The following SBF1 variants were observed in gnomAD, a reference collection of about 807,000 sequenced individuals.
The protein encoded by SBF1 is myotubularin-related protein 5.
A neutral mutation model predicts 215.8 loss-of-function variants in SBF1; 65 were observed. The ratio of observed to expected loss-of-function variants is 0.30; its 90% confidence interval spans 0.25 to 0.37. SBF1 has a LOEUF of 0.37. Among genes scored for constraint, SBF1 ranks in the 10% least tolerant of loss-of-function variants. SBF1 has a pLI of 1.00. For missense variants in SBF1, 2,634 were observed against 2,667.8 expected (o/e 0.99, Z 0.28); for synonymous variants, 1,410 against 1,122.8 (o/e 1.26, Z -5.11).
At chr22:50,467,734 C>A in intron 3 of SBF1, 44 bp from the exon 4 acceptor site, 1 of 1,610,130 alleles carries the variant, frequency 6.2e-7, no homozygotes, top group Non-Finnish European at 8.5e-7. Flanking sequence ...GAGTTGGCCA[C>A]GGCCCAAGGA....
intron 1 of SBF1, among the ~76,000 whole-genome samples, chr22:50,472,359 C>G (rs758800570): frequency 5.9e-5 from 9 of 152,186 alleles, no homozygotes; most frequent in Non-Finnish European, 1.2e-4. Flanking sequence ...CAGATCCAGG[C>G]CAAGACAAGC....
In SBF1 at chr22:50,460,074, T is replaced by C. The variant is rs1258820764; in HGVS notation, c.3369A>G (p.Glu1123=). The change falls in exon 26 of 41, where the codon GAA becomes GAG. Residue 1123 remains glutamate (E), a synonymous_variant. Coordinates refer to ENST00000380817, the MANE Select transcript of SBF1 (RefSeq NM_002972.4). ...GCTGGTAGTCGCGACAGCAAGCCCT[T>C]TCCACCAGGCTGCTCATGGTCATGC... ...SDRMTMSSLV[E]RACCRDYQRL... is the part of the protein sequence containing the mutation. 2 of 1,613,784 alleles carry C rather than the reference T, an allele frequency of 1.2e-6. No homozygotes were observed. Among genetic ancestry groups the C allele is most frequent in the Non-Finnish European group, 1.7e-6 (2 of 1,179,984 alleles).
rs1471684715 is a variant in SBF1 at position 50,447,255 on chromosome 22, G to C, written c.5584-15C>G. 1 of 1,613,648 alleles carries C rather than the reference G, an allele frequency of 6.2e-7. No homozygotes were observed. The highest frequency in any genetic ancestry group is 1.7e-5 in the Admixed American group (1 of 59,998). On this transcript the variant is annotated splice_polypyrimidine_tract_variant and intron_variant, in intron 40 of 40. Transcript: ENST00000380817. ...GTTGTCTTCACCTGGGGAAGGGCGG[G>C]TTACTGACTCCGCAGCCCCCACACC... is the stretch of plus-strand genomic sequence containing the variant.
chr22:50,471,458 A>C (rs2067992066), intron 1 of SBF1, among the ~76,000 whole-genome samples: 1 of 152,202 alleles, frequency 6.6e-6, no homozygotes, highest in Non-Finnish European at 1.5e-5. Context: ...GGAGGCAAAG[A>C]AGGATGGCAG....
intron 1 of SBF1, among the ~76,000 whole-genome samples, chr22:50,473,706 A>G (rs951060957): frequency 2.0e-5 from 3 of 152,144 alleles, no homozygotes; most frequent in Non-Finnish European, 4.4e-5. Context: ...ACTGACAAAA[A>G]ACAGGGTAAC....
chr22:50,453,509 C>A (rs1438380318), intron 36 of SBF1, among the ~76,000 whole-genome samples: 1 of 152,198 alleles, frequency 6.6e-6, no homozygotes, highest in Non-Finnish European at 1.5e-5. Flanking sequence ...ATAACTAGGC[C>A]AGGCACGGTG....
chr22:50,464,410 A>G lies in SBF1; in HGVS notation c.1668T>C (p.His556=), dbSNP rs139208738. ...CCTCCAGCCGCCGGGCGCTGTTGAC[A>G]TGCAGCCCACTGCACCGCTCCAGTA... The part of the protein sequence containing the change: ...TAILERCSGL[H]VNSARRLEVV... The change falls in exon 15 of 41, where the codon CAT becomes CAC. Residue 556 remains histidine (H), a synonymous_variant. Coordinates refer to ENST00000380817, the MANE Select transcript of SBF1 (RefSeq NM_002972.4). The G allele has an allele frequency of 3.6e-3, 5,855 of 1,614,094 alleles. 22 individuals are homozygous for G. Among genetic ancestry groups the G allele is most frequent in the Non-Finnish European group, 4.1e-3 (4,857 of 1,180,022 alleles).
In SBF1 at chr22:50,446,051, C is replaced by T. The variant is rs1308977517; in HGVS notation, c.*1091G>A. 1.3e-5 allele frequency: 2 copies of T among 153,440 alleles called. No homozygotes were observed. Among genetic ancestry groups the T allele is most frequent in the African/African-American group, 4.8e-5 (2 of 41,466 alleles). The allele number at this position is 153,440 out of a possible 1,614,324, so 9.5% of individuals were successfully genotyped here. On this transcript the variant is annotated 3_prime_UTR_variant, in exon 41 of 41. Transcript: ENST00000380817. ...TTGCAGCGTCTATAACCCTCCCCAC[C>T]TTCTGCTCCTGCACCCCTGGCCAGG...
At chr22:50,464,011 A>G (rs985208422) in intron 15 of SBF1, among the ~76,000 whole-genome samples, 1 of 152,248 alleles carries the variant, frequency 6.6e-6, no homozygotes, top group Non-Finnish European at 1.5e-5. Flanking sequence ...CATCAAGTAC[A>G]AAGAACAGGT....
chr22:50,466,234 C>A lies in SBF1; in HGVS notation c.813G>T (p.Pro271=). 3.1e-6 allele frequency: 5 copies of A among 1,613,426 alleles called. No homozygotes were observed. Among genetic ancestry groups the A allele is most frequent in the Non-Finnish European group, 4.2e-6 (5 of 1,180,034 alleles). Residue 271 remains proline, a synonymous_variant, in exon 8 of 41, where the codon CCG becomes CCT. Coordinates refer to ENST00000380817, the MANE Select transcript of SBF1 (RefSeq NM_002972.4). The stretch of plus-strand genomic sequence containing the variant: ...TGCTGAGGACCTCCAGCAGCTGAGC[C>A]GGCAGGATGGGCACATAGGTGAAGC... ...RYSFTYVPIL[P]AQLLEVLSTP...
intron 1 of SBF1, among the ~76,000 whole-genome samples, chr22:50,469,326 G>C (rs2067911044): frequency 6.6e-6 from 1 of 152,236 alleles, no homozygotes; most frequent in African/African-American, 2.4e-5. Context: ...TTTCAGGGCA[G>C]GGAGAGCCAA....
chr22:50,465,221 G>A lies in SBF1; in HGVS notation c.1197C>T (p.Phe399=). 1 of 1,612,628 alleles carries A rather than the reference G, an allele frequency of 6.2e-7. No homozygotes were observed. Among genetic ancestry groups the A allele is most frequent in the Non-Finnish European group, 8.5e-7 (1 of 1,179,456 alleles). The change falls in exon 11 of 41, where the codon TTC becomes TTT. Residue 399 remains phenylalanine (F), a synonymous_variant. Transcript: ENST00000380817. ...VRIHPEPVIR[F]HKAAFLGQRG... ...CAGCCACCAGGCACCCCACCTTATG[G>A]AAGCGGATGACAGGCTCCGGGTGGA...
Position 50,448,325 on chromosome 22 carries a change from A to T in SBF1, c.5271T>A (p.Ser1757Arg). Residue 1757 changes from serine (S) to arginine (R), a missense_variant, in exon 38 of 41, where the codon AGT (serine) becomes AGA (arginine). Physicochemically the swap from Ser to Arg is moderately radical, Grantham distance 110. Transcript: ENST00000380817. ...GGGAGCCGGATGTGGTTGAGCCACT[A>T]CTCTGGTCGCTGTCCAGGCTGAGGC... ...TLSLSLDSDQ[S>R]SGSTTSGSRQ... The T allele has an allele frequency of 6.2e-7, 1 of 1,613,174 alleles. No homozygotes were observed. Among genetic ancestry groups the T allele is most frequent in the Non-Finnish European group, 8.5e-7 (1 of 1,179,892 alleles).
chr22:50,448,960 C>T (rs1354792645), intron 36 of SBF1, among the ~76,000 whole-genome samples: 2 of 152,072 alleles, frequency 1.3e-5, no homozygotes, highest in Admixed American at 1.3e-4. Context: ...GTAATCCCAG[C>T]ACTTTGGGAG....
intron 36 of SBF1, among the ~76,000 whole-genome samples, chr22:50,452,534 CACAGTGA>C (rs2067084954): frequency 6.6e-6 from 1 of 151,852 alleles, no homozygotes; most frequent in Non-Finnish European, 1.5e-5. Flanking sequence ...GCCTGGCCAA[CACAGTGA>C]AACCCCGTCT....
In SBF1 at chr22:50,465,007, G is replaced by A. The variant is rs376364931; in HGVS notation, c.1326C>T (p.Phe442=). 3.7e-6 allele frequency: 6 copies of A among 1,613,792 alleles called. No homozygotes were observed. The highest frequency in any genetic ancestry group is 2.7e-5 in the African/African-American group (2 of 74,898). ...GGGCAGGGTGGAGGTGCACCTCATCGAACAGGTCCGTAGGGCGGTATGGGA... is the reference window on the plus strand; with the variant it reads ...GGGCAGGGTGGAGGTGCACCTCATCAAACAGGTCCGTAGGGCGGTATGGGA... The part of the protein sequence containing the change: ...RGVPYRPTDL[F]DELVAHEVAR... Residue 442 remains phenylalanine, a synonymous_variant, in exon 12 of 41, where the codon TTC becomes TTT. Transcript: ENST00000380817.
chr22:50,474,718 A>C, intron 1 of SBF1, 68 bp downstream of exon 1: 8 of 1,271,422 alleles, frequency 6.3e-6, no homozygotes, highest in African/African-American at 1.7e-5. Context: ...CGACCCTCAG[A>C]CCCAGCCCCT....
At position 50,456,616 on chromosome 22, in the gene SBF1, C is replaced by G. The variant is rs768926324; in HGVS notation, c.3962G>C (p.Gly1321Ala). The change falls in exon 30 of 41, where the codon GGC becomes GCC. Residue 1321 changes from glycine (G) to alanine (A), a missense_variant. By Grantham distance (60) the Gly-to-Ala change is moderately conservative (BLOSUM62 0). Transcript: ENST00000380817. ...CGCGTCTCTGCCAGCTAGCCGGGAGCCCACATCGGTGCCAAGGCCACTGCT... is the reference window on the plus strand; with the variant it reads ...CGCGTCTCTGCCAGCTAGCCGGGAGGCCACATCGGTGCCAAGGCCACTGCT... ...GRSSGLGTDV[G>A]SRLAGRDALA... 1 of 1,520,816 alleles carries G rather than the reference C, an allele frequency of 6.6e-7. No individual in the cohort carries two copies. Among genetic ancestry groups the G allele is most frequent in the East Asian group, 2.3e-5 (1 of 42,788 alleles). 94.2% of individuals were successfully genotyped at this position (1,520,816 alleles called of 1,614,324 possible). A position where few individuals can be genotyped will look rare whatever the true frequency, so the allele number is the denominator to read the frequency against.
At chr22:50,468,119 C>T (rs1250101038) in intron 2 of SBF1, among the ~76,000 whole-genome samples, 196 bp from the exon 3 acceptor site, 1 of 152,218 alleles carries the variant, frequency 6.6e-6, no homozygotes, top group Non-Finnish European at 1.5e-5. Context: ...TCTGACCTCC[C>T]CACCTGGGGC....
Sources: allele counts gnomAD v4.1 joint callset (sites outside exome capture counted in the v4.1 genomes callset), GRCh38; gene constraint gnomAD v4.1.1; transcripts MANE v1.5; gene names NCBI Gene and HGNC (gene_info 2026-07-23, HGNC 2026-07-21).